Variants in PLXNB2 observed in about 807,000 individuals in gnomAD.
PLXNB2 encodes the protein plexin-B2.
A neutral mutation model predicts 202.6 loss-of-function variants in PLXNB2; 85 were observed. The observed-to-expected ratio is 0.42, with a 90% CI of 0.35 to 0.50. The LOEUF (loss-of-function observed/expected upper bound fraction) is 0.50. PLXNB2 is among the 20% of genes least tolerant of loss of function. The pLI is 0.02. For missense variants in PLXNB2, 2,063 were observed against 2,586.2 expected, an observed-to-expected ratio of 0.80 and a Z score of 4.39; for synonymous variants, 1,239 against 1,137.6, an observed-to-expected ratio of 1.09 and a Z score of -1.79.
intron 1 of PLXNB2, among the ~76,000 whole-genome samples, chr22:50,307,040 C>T (rs1485890494): frequency 6.6e-6 from 1 of 152,198 alleles, no homozygotes; most frequent in East Asian, 1.9e-4. Flanking sequence ...CCAGACGCCA[C>T]TCTGGGAACC....
At position 50,294,153 on chromosome 22, in the gene PLXNB2, C is replaced by A. The variant is rs192688445; in HGVS notation, c.-14+566G>T. Reference sequence around the variant, plus strand: ...TGTGTTCCTGGAACAGGAGGGAGGGCGGGCAGCAGGCACTTCCTGTTTTGA... The same window carrying A: ...TGTGTTCCTGGAACAGGAGGGAGGGAGGGCAGCAGGCACTTCCTGTTTTGA... On this transcript the variant is annotated intron_variant, in intron 2 of 36. Coordinates refer to ENST00000359337, the MANE Select transcript of PLXNB2 (RefSeq NM_012401.4). 2.6e-5 allele frequency among the ~76,000 whole-genome samples: 4 copies of A among 152,360 alleles called. No individual in the cohort carries two copies. In the East Asian group the frequency reaches 7.7e-4, roughly 29 times the overall value.
chr22:50,278,100 C>A lies in PLXNB2; in HGVS notation c.4887+17G>T. 1 of 1,603,060 alleles carries A rather than the reference C, an allele frequency of 6.2e-7. No homozygotes were observed. Among genetic ancestry groups the A allele is most frequent in the African/African-American group, 1.3e-5 (1 of 74,980 alleles). ...GCGTGGCGGCCTGGTGCCGCCCACA[C>A]ACCCATGGGGGCCCACCTTGACTGA... On this transcript the variant is annotated intron_variant, in intron 31 of 36. Transcript: ENST00000359337.
rs1350261112 is a variant in PLXNB2, at chr22:50,307,490, C to G, written c.-74+63G>C. The G allele has an allele frequency of 3.4e-6, 3 of 891,412 alleles. No homozygotes were observed. In the African/African-American group the frequency reaches 5.8e-5, roughly 17 times the overall value. The allele number at this position is 891,412 out of a possible 1,614,324, so 55.2% of individuals were successfully genotyped here. On this transcript the variant is annotated intron_variant, in intron 1 of 36. Transcript: ENST00000359337. Reference sequence around the variant, plus strand: ...GCAGGCCCGGGCGGAGCGGCGCTGACGGCGAAGCCCCCCCCACGCCCAGCG... The same window carrying G: ...GCAGGCCCGGGCGGAGCGGCGCTGAGGGCGAAGCCCCCCCCACGCCCAGCG...
rs1195082451 is a variant in PLXNB2, at chr22:50,282,740, T to G, written c.2958A>C (p.Arg986=). The G allele has an allele frequency of 1.3e-6, 2 of 1,558,226 alleles. No individual in the cohort carries two copies. Among genetic ancestry groups the G allele is most frequent in the African/African-American group, 3.1e-5 (2 of 64,610 alleles). Residue 986 remains arginine (R), a synonymous_variant, in exon 18 of 37, where the codon CGA becomes CGC. Transcript: ENST00000359337. The stretch of plus-strand genomic sequence containing the variant: ...CAAAGCTTCGTAGCGGCTCGAAGGC[T>G]CGCAGTACGGGGTTTTCGCGGTAGG... ...FFTYRENPVL[R]AFEPLRSFAS...
rs201434679 is a variant in PLXNB2 at position 50,278,061 on chromosome 22, G to A, written c.4888-48C>T. ...GTGACGCCGTGGGCGCGGCTCCTGG[G>A]GGGGAGGGTCTCAGCGTGGCGGCCT... On this transcript the variant is annotated intron_variant, in intron 31 of 36. Coordinates refer to ENST00000359337, the MANE Select transcript of PLXNB2 (RefSeq NM_012401.4). 1.8e-5 allele frequency: 29 copies of A among 1,600,696 alleles called. No homozygotes were observed. The Admixed American group carries it at 4.0e-4, about 22-fold the overall frequency.
chr22:50,288,805 C>T lies in PLXNB2; in HGVS notation c.1318G>A (p.Val440Ile). 1.2e-6 allele frequency: 2 copies of T among 1,613,292 alleles called. No homozygotes were observed. Among genetic ancestry groups the T allele is most frequent in the Non-Finnish European group, 1.7e-6 (2 of 1,179,992 alleles). ...CCAGACAGTACCAGGTCGCGCTTGA[C>T]TCTCTTGTTTATCTCCACAAGGATA... ...DSILVEINKR[V>I]KRDLVLSGDL... is the part of the protein sequence containing the mutation. Residue 440 changes from valine to isoleucine, a missense_variant, in exon 5 of 37, where the codon GTC becomes ATC. Physicochemically the swap from Val to Ile is conservative, Grantham distance 29. Transcript: ENST00000359337. This position sits in a 1 kb window ranked among gnomAD's most constrained non-coding sequence, Gnocchi z 5.0.
rs762583576 is a variant in PLXNB2, at chr22:50,279,017, G to A, written c.4390-6C>T. On this transcript the variant is annotated splice_region_variant and splice_polypyrimidine_tract_variant and intron_variant, in intron 27 of 36. Coordinates refer to ENST00000359337, the MANE Select transcript of PLXNB2 (RefSeq NM_012401.4). ...TGCACGATCACGCTCACCGTCTGCC[G>A]AGACATCCGGGATGAAGCCCAGTGG... The A allele has an allele frequency of 2.1e-5, 33 of 1,599,170 alleles. No homozygotes were observed. The highest frequency in any genetic ancestry group is 9.4e-5 in the African/African-American group (7 of 74,784).
chr22:50,302,954 G>A (rs2067762803), intron 1 of PLXNB2, among the ~76,000 whole-genome samples: 1 of 152,078 alleles, frequency 6.6e-6, no homozygotes, highest in Non-Finnish European at 1.5e-5. Flanking sequence ...GGGATCCACA[G>A]AGTCCTCACC....
chr22:50,281,563 C>T lies in PLXNB2; in HGVS notation c.3522+3G>A, dbSNP rs774938261. The T allele has an allele frequency of 5.6e-6, 9 of 1,610,656 alleles. No homozygotes were observed. The South Asian group carries it at 9.9e-5, about 18-fold the overall frequency. On this transcript the variant is annotated splice_donor_region_variant and intron_variant, in intron 21 of 36. Transcript: ENST00000359337. ...CACCCCCCGCCAGTCCCCGCTCACG[C>T]ACAATGAACTCGGGCAGGTTGTGTG...
At chr22:50,301,077 A>G (rs2067654487) in intron 1 of PLXNB2, among the ~76,000 whole-genome samples, 1 of 152,024 alleles carries the variant, frequency 6.6e-6, no homozygotes, top group Non-Finnish European at 1.5e-5. Flanking sequence ...TCCTACACAC[A>G]GTTGTGAGGC....
chr22:50,285,932 T>A, intron 10 of PLXNB2, 31 bp from the exon 11 acceptor site: 1 of 1,604,602 alleles, frequency 6.2e-7, no homozygotes, highest in Non-Finnish European at 8.5e-7. Flanking sequence ...AGGTGCTGCC[T>A]GGGCACAGCG....
chr22:50,277,446 G>T, intron 33 of PLXNB2, 145 bp downstream of exon 33: 1 of 808,658 alleles, frequency 1.2e-6, no homozygotes, highest in Non-Finnish European at 1.8e-6. Flanking sequence ...TGTGCCCCCA[G>T]CCTCCGCCAC....
At chr22:50,295,447 A>G (rs2067193474) in intron 1 of PLXNB2, among the ~76,000 whole-genome samples, 1 of 152,206 alleles carries the variant, frequency 6.6e-6, no homozygotes, top group Admixed American at 6.5e-5. Context: ...ATGGAGACAG[A>G]ATGGTGAGCT....
At chr22:50,290,678 G>T (rs1056332243) in intron 2 of PLXNB2, 81 bp from the exon 3 acceptor site, 2 of 1,390,994 alleles carry the variant, frequency 1.4e-6, no homozygotes, top group African/African-American at 1.4e-5. Flanking sequence ...TGCCCCAAAC[G>T]TCAGAACATG....
chr22:50,281,379 C>G lies in PLXNB2; in HGVS notation c.3643G>C (p.Val1215Leu), dbSNP rs760225048. Reference sequence around the variant, plus strand: ...GCTCACCAGTAGCAGTAGACAGACACCGCGATGACGACCACCATGGGCACG... The same window carrying G: ...GCTCACCAGTAGCAGTAGACAGACAGCGCGATGACGACCACCATGGGCACG... ...VIVPMVVVIA[V>L]SVYCYWRKSQ... Residue 1215 changes from valine to leucine, a missense_variant, in exon 22 of 37, where the codon GTG (valine) becomes CTG (leucine). By Grantham distance (32) the Val-to-Leu change is conservative (BLOSUM62 1). Transcript: ENST00000359337. 9.3e-6 allele frequency: 15 copies of G among 1,612,186 alleles called. No individual in the cohort carries two copies. The highest frequency in any genetic ancestry group is 1.3e-5 in the Non-Finnish European group (15 of 1,179,730).
In PLXNB2 at chr22:50,282,915, C is replaced by G. The variant is rs771052550; in HGVS notation, c.2817-34G>C. On this transcript the variant is annotated intron_variant, in intron 17 of 36. Coordinates refer to ENST00000359337, the MANE Select transcript of PLXNB2 (RefSeq NM_012401.4). The stretch of plus-strand genomic sequence containing the variant: ...GGGAGGGTGCTGGTCTGCATCAACC[C>G]CTCCCCCGGGACCAGCCCCAGCCCG... 1.3e-5 allele frequency: 20 copies of G among 1,579,558 alleles called. No homozygotes were observed. The East Asian group carries it at 4.3e-4, about 34-fold the overall frequency.
chr22:50,293,273 G>A (rs975023877), intron 2 of PLXNB2, among the ~76,000 whole-genome samples: 1 of 152,182 alleles, frequency 6.6e-6, no homozygotes, highest in African/African-American at 2.4e-5. Flanking sequence ...AGGAGTCCCA[G>A]GCCTCCAGGA....
In PLXNB2 at chr22:50,281,606, C is replaced by T. The variant is rs1182273624; in HGVS notation, c.3482G>A (p.Arg1161Gln). The T allele has an allele frequency of 3.1e-6, 5 of 1,610,172 alleles. No homozygotes were observed. In the African/African-American group the frequency reaches 4.0e-5, roughly 13 times the overall value. ...PPEVQPPPKRRQKRDTTHNLP... is the reference protein window; with the variant it reads ...PPEVQPPPKRQQKRDTTHNLP... Reference sequence around the variant, plus strand: ...GTTGTGTGTGGTGTCTCGTTTCTGCCGCCGCTTGGGCGGGGGCTGCACCTC... The same window carrying T: ...GTTGTGTGTGGTGTCTCGTTTCTGCTGCCGCTTGGGCGGGGGCTGCACCTC... Residue 1161 changes from arginine to glutamine, a missense_variant, in exon 21 of 37, where the codon CGG becomes CAG. Around this residue, in one of 2 missense-constraint regions of PLXNB2, gnomAD observed 760 missense variants for 1,109.4 expected, o/e 0.69. Coordinates refer to ENST00000359337, the MANE Select transcript of PLXNB2 (RefSeq NM_012401.4).
intron 25 of PLXNB2, 119 bp from the exon 26 acceptor site, chr22:50,280,190 G>A (rs1375327075): frequency 3.8e-6 from 3 of 798,656 alleles, no homozygotes; most frequent in African/African-American, 1.7e-5. Flanking sequence ...CCTGGGTGTG[G>A]CCTGCAGCGA....
Sources: allele counts gnomAD v4.1 joint callset (sites outside exome capture counted in the v4.1 genomes callset), GRCh38; gene constraint gnomAD v4.1.1; regional missense constraint gnomAD v4.1.1; non-coding constraint Gnocchi (gnomAD v3.1); transcripts MANE v1.5; gene names NCBI Gene and HGNC (gene_info 2026-07-23, HGNC 2026-07-21).